Variants in PTPRM observed in about 807,000 individuals in gnomAD.
PTPRM encodes protein tyrosine phosphatase receptor type M.
In PTPRM, 47 loss-of-function variants were observed where a neutral mutation model predicts 186.7. The ratio of observed to expected loss-of-function variants is 0.25; its 90% CI spans 0.20 to 0.32. The LOEUF is 0.32. Among genes scored for constraint, PTPRM ranks in the 10% least tolerant of loss-of-function variants. The probability of loss-of-function intolerance (pLI) is 1.00; values close to 1 mark genes in which losing one functional copy is unlikely to be tolerated. For missense variants in PTPRM, 1,494 were observed against 1,865.0 expected, an observed-to-expected ratio of 0.80 and a Z score of 3.66; for synonymous variants, 668 against 674.9, an observed-to-expected ratio of 0.99 and a Z score of 0.16.
At chr18:7,673,079 A>G (rs1438090969) in intron 1 of PTPRM, among the ~76,000 whole-genome samples, 2 of 152,158 alleles carry the variant, frequency 1.3e-5, no homozygotes, top group Non-Finnish European at 2.9e-5. Context: ...TTTACACTTG[A>G]GTGTAAAATA....
At chr18:7,620,170 C>T (rs965382382) in intron 1 of PTPRM, among the ~76,000 whole-genome samples, 2 of 152,166 alleles carry the variant, frequency 1.3e-5, no homozygotes, top group Admixed American at 6.5e-5. Context: ...ATGTGGTGGA[C>T]AGGAGTTAGG....
intron 14 of PTPRM, among the ~76,000 whole-genome samples, chr18:8,197,190 C>T (rs2093790791): frequency 6.6e-6 from 1 of 152,096 alleles, no homozygotes; most frequent in South Asian, 2.1e-4. Flanking sequence ...GAGCGTTAGG[C>T]CAATGTTCTA....
At chr18:8,118,812 ATATAT>A (rs1192792056) in intron 13 of PTPRM, among the ~76,000 whole-genome samples, 7 of 75,188 alleles carry the variant, frequency 9.3e-5, no homozygotes, top group African/African-American at 2.1e-4. Context: ...AAAAAAAAAA[ATATAT>A]ATATATATAT....
intron 7 of PTPRM, among the ~76,000 whole-genome samples, chr18:7,968,439 C>G (rs1166093854): frequency 1.8e-4 from 23 of 125,338 alleles, no homozygotes; most frequent in East Asian, 1.1e-3. Context: ...ATGACAGGAT[C>G]AAATTCACAC....
At chr18:7,628,094 A>G (rs2038103829) in intron 1 of PTPRM, among the ~76,000 whole-genome samples, 2 of 152,204 alleles carry the variant, frequency 1.3e-5, no homozygotes, top group African/African-American at 2.4e-5. Flanking sequence ...CGGAGCTTGC[A>G]GTGAGCCGAG....
intron 7 of PTPRM, among the ~76,000 whole-genome samples, chr18:7,990,505 T>A (rs1023078821): frequency 4.6e-5 from 7 of 152,192 alleles, no homozygotes; most frequent in Admixed American, 3.9e-4. Flanking sequence ...CTTACAAATA[T>A]TAAAAATATG....
intron 19 of PTPRM, among the ~76,000 whole-genome samples, chr18:8,268,990 C>A (rs2094736814): frequency 6.6e-6 from 1 of 151,912 alleles, no homozygotes; most frequent in African/African-American, 2.4e-5. Flanking sequence ...AAGCTGAAAG[C>A]TTTTCTTCTA....
At chr18:7,978,123 C>T (rs570737059) in intron 7 of PTPRM, among the ~76,000 whole-genome samples, 1 of 152,300 alleles carries the variant, frequency 6.6e-6, no homozygotes, top group African/African-American at 2.4e-5. Context: ...TTTAGCCTCA[C>T]TACAAAGCCA....
At chr18:8,304,527 T>C (rs1005058610) in intron 20 of PTPRM, among the ~76,000 whole-genome samples, 54 of 152,106 alleles carry the variant, frequency 3.6e-4, no homozygotes, top group African/African-American at 1.2e-3. Flanking sequence ...AGCAAGTCGT[T>C]TTTATGCAGA....
intron 13 of PTPRM, among the ~76,000 whole-genome samples, chr18:8,125,840 A>C (rs4797305): frequency 6.6e-6 from 1 of 151,700 alleles, no homozygotes; most frequent in African/African-American, 2.4e-5. Flanking sequence ...AAAGCTATAC[A>C]TGGTAGGAAT....
At chr18:7,698,087 G>A (rs1049525653) in intron 1 of PTPRM, among the ~76,000 whole-genome samples, 1 of 152,198 alleles carries the variant, frequency 6.6e-6, no homozygotes, top group Non-Finnish European at 1.5e-5. Context: ...GAGTGGTTCA[G>A]TGTGTTTACT....
intron 1 of PTPRM, among the ~76,000 whole-genome samples, chr18:7,604,201 C>T (rs900750562): frequency 2.6e-5 from 4 of 152,142 alleles, no homozygotes; most frequent in Admixed American, 2.6e-4. Context: ...TGTTCCAATT[C>T]TTTTCATGCC....
At chr18:7,983,362 T>A (rs376808207) in intron 7 of PTPRM, among the ~76,000 whole-genome samples, 3 of 152,178 alleles carry the variant, frequency 2.0e-5, no homozygotes, top group East Asian at 3.9e-4. Context: ...CCAACCTGGT[T>A]AGTGGGAAAA....
chr18:7,926,540 A>T, intron 4 of PTPRM, 28 bp from the exon 5 acceptor site: 1 of 1,521,070 alleles, frequency 6.6e-7, no homozygotes, highest in Non-Finnish European at 9.0e-7. Flanking sequence ...TCCACTTTTA[A>T]TATCTTTCAT....
In PTPRM at chr18:8,201,310, C is replaced by T. The variant is rs1174767889; in HGVS notation, c.2301-42748C>T. Among the ~76,000 whole-genome samples, 7 of 152,202 alleles carry T rather than the reference C, an allele frequency of 4.6e-5. No homozygotes were observed. In the South Asian group the frequency reaches 8.3e-4, roughly 18 times the overall value. On this transcript the variant is annotated intron_variant, in intron 14 of 32. Transcript: ENST00000580170. ...CAGCCTGGGCAACAGAGCAAGACTC[C>T]GTCTCCAAAAACAAAAAAGAAAAGA...
intron 7 of PTPRM, among the ~76,000 whole-genome samples, chr18:8,048,036 C>T (rs2087190629): frequency 6.6e-6 from 1 of 152,102 alleles, no homozygotes; most frequent in South Asian, 2.1e-4. Flanking sequence ...TCCAGGAAAA[C>T]AATGAAAAAC....
chr18:8,277,773 T>C (rs1423349362), intron 19 of PTPRM, among the ~76,000 whole-genome samples: 4 of 152,242 alleles, frequency 2.6e-5, no homozygotes, highest in Admixed American at 2.6e-4. Flanking sequence ...AACTGGAAGG[T>C]ATTCCATTGG....
intron 2 of PTPRM, among the ~76,000 whole-genome samples, chr18:7,823,761 G>T (rs888319330): frequency 6.6e-6 from 1 of 152,204 alleles, no homozygotes; most frequent in Non-Finnish European, 1.5e-5. Flanking sequence ...CCTTGGGTCG[G>T]CTTCCCTGCT....
intron 7 of PTPRM, among the ~76,000 whole-genome samples, chr18:7,963,875 C>T (rs1028553360): frequency 1.3e-5 from 2 of 152,188 alleles, no homozygotes; most frequent in African/African-American, 4.8e-5. Flanking sequence ...GCACCAGCTA[C>T]AGCTGTGAGC....
Sources: gnomAD v4.1 joint callset for allele counts (sites outside exome capture counted in the v4.1 genomes callset) on GRCh38, gnomAD v4.1.1 for gene constraint, MANE v1.5 for transcripts, NCBI Gene and HGNC (gene_info 2026-07-23, HGNC 2026-07-21) for gene names.